Variants in ZNF37A observed in about 807,000 individuals in gnomAD.
ZNF37A encodes the protein zinc finger protein 37a (KOX 21).
ZNF37A carries 10 observed loss-of-function variants against 12.3 expected under a neutral mutation model. That is an observed-to-expected ratio of 0.82 (90% CI 0.50 to 1.38). The LOEUF is 1.38. ZNF37A is among the 40% of genes most tolerant of loss of function. The pLI, the probability that ZNF37A is intolerant of heterozygous loss-of-function variation, is 0.00. For missense variants in ZNF37A, 580 were observed against 651.2 expected, an observed-to-expected ratio of 0.89 and a Z score of 1.19; for synonymous variants, 207 against 223.0, an observed-to-expected ratio of 0.93 and a Z score of 0.64.
intron 5 of ZNF37A, among the ~76,000 whole-genome samples, chr10:38,105,847 T>C (rs1292888536): frequency 6.6e-6 from 1 of 152,242 alleles, no homozygotes; most frequent in East Asian, 1.9e-4. Flanking sequence ...TGTGTGTTGA[T>C]TTTGTACTCT....
chr10:38,129,194 T>C (rs1264285505), downstream of ZNF37A, among the ~76,000 whole-genome samples: 7 of 151,500 alleles, frequency 4.6e-5, no homozygotes, highest in Non-Finnish European at 8.8e-5. Flanking sequence ...GAGTTATAAT[T>C]AGGCATATTT....
intron 5 of ZNF37A, among the ~76,000 whole-genome samples, chr10:38,099,932 T>C (rs907944974): frequency 7.2e-5 from 11 of 152,190 alleles, no homozygotes; most frequent in African/African-American, 2.4e-5. Flanking sequence ...TATGGTGAAA[T>C]GTATTGGGGA....
chr10:38,110,924 C>T (rs1275305393), intron 5 of ZNF37A, among the ~76,000 whole-genome samples: 1 of 152,090 alleles, frequency 6.6e-6, no homozygotes, highest in African/African-American at 2.4e-5. Flanking sequence ...GACAGTGTGG[C>T]GATTCCTGAA....
downstream of ZNF37A, among the ~76,000 whole-genome samples, chr10:38,127,650 C>T (rs1256679786): frequency 6.6e-6 from 1 of 152,154 alleles, no homozygotes; most frequent in Non-Finnish European, 1.5e-5. Flanking sequence ...GTCTCTGGTT[C>T]TCCACTCATT....
intron 7 of ZNF37A, among the ~76,000 whole-genome samples, chr10:38,134,704 A>G (rs1002694176): frequency 1.3e-5 from 2 of 152,178 alleles, no homozygotes; most frequent in African/African-American, 4.8e-5. Context: ...GTCGGCCCCT[A>G]CTGGGAGGTG....
exon 8 of ZNF37A, chr10:38,149,545 A>G (rs1215316173): frequency 7.0e-6 from 1 of 141,860 alleles, no homozygotes; most frequent in Non-Finnish European, 1.5e-5. Context: ...ATAACTTTTG[A>G]CACCTTCCAA....
chr10:38,141,952 A>G (rs1258079821), intron 7 of ZNF37A: 2 of 152,212 alleles, frequency 1.3e-5, no homozygotes, highest in African/African-American at 4.8e-5. Flanking sequence ...TCTACTAAAA[A>G]TACAAAAAGT....
exon 8 of ZNF37A, chr10:38,150,155 A>G (rs1405163841): frequency 6.6e-6 from 1 of 152,238 alleles, no homozygotes; most frequent in Non-Finnish European, 1.5e-5. Flanking sequence ...TCCTGTCTGC[A>G]TGAGTGTAAT....
chr10:38,095,994 G>C (rs2067122474), intron 4 of ZNF37A, among the ~76,000 whole-genome samples, 190 bp downstream of exon 4: 1 of 152,074 alleles, frequency 6.6e-6, no homozygotes. Flanking sequence ...AGACCAGCCT[G>C]GCCAACATGG....
chr10:38,096,948 A>G, intron 5 of ZNF37A, among the ~76,000 whole-genome samples: 1 of 152,244 alleles, frequency 6.6e-6, no homozygotes, highest in East Asian at 1.9e-4. Flanking sequence ...CTTTCATACT[A>G]TGAGGGCAGA....
chr10:38,100,373 A>C (rs2067464762), intron 5 of ZNF37A, among the ~76,000 whole-genome samples: 1 of 152,124 alleles, frequency 6.6e-6, no homozygotes, highest in South Asian at 2.1e-4. Context: ...TCTTCCTAAT[A>C]AGCCTGGGAG....
chr10:38,127,568 T>G (rs1027279887), downstream of ZNF37A, among the ~76,000 whole-genome samples: 2 of 152,194 alleles, frequency 1.3e-5, no homozygotes, highest in African/African-American at 4.8e-5. Flanking sequence ...TGGTATATGA[T>G]GAGTAGTTGC....
chr10:38,103,356 T>C (rs867531444), intron 5 of ZNF37A, among the ~76,000 whole-genome samples: 2 of 152,228 alleles, frequency 1.3e-5, no homozygotes, highest in African/African-American at 4.8e-5. Flanking sequence ...GTTGTTGTAC[T>C]TGTCAGCTCC....
In ZNF37A at chr10:38,124,572, C is replaced by T. The variant is rs1462782634; in HGVS notation, c.*5735C>T. On this transcript the variant is annotated 3_prime_UTR_variant, in exon 8 of 8. Transcript: ENST00000685332. ...ATCATGTACCCCATAGATATATACA[C>T]CTAGTATGTACCCACAAAAATTAAA... is the stretch of plus-strand genomic sequence containing the variant. 2.6e-5 allele frequency: 4 copies of T among 152,036 alleles called. No homozygotes were observed. The highest frequency in any genetic ancestry group is 9.7e-5 in the African/African-American group (4 of 41,388). The allele number at this position is 152,036 out of a possible 1,614,324, so 9.4% of individuals were successfully genotyped here.
downstream of ZNF37A, among the ~76,000 whole-genome samples, chr10:38,127,788 T>C (rs1590938360): frequency 6.6e-6 from 1 of 152,196 alleles, no homozygotes; most frequent in Non-Finnish European, 1.5e-5. Context: ...GAAGTAAGTA[T>C]TTGCAGAAGT....
Position 38,117,566 on chromosome 10 carries a change from A to G in ZNF37A, c.415A>G (p.Ile139Val), listed in dbSNP as rs746345233. The part of the protein sequence containing the change: ...LNEDLIWHQK[I>V]KNWEQSFEYN... ...TGAAGACCTCATTTGGCATCAGAAA[A>G]TTAAAAATTGGGAACAATCTTTTGA... The change falls in exon 8 of 8, where the codon ATT becomes GTT. Residue 139 changes from isoleucine to valine, a missense_variant. By Grantham distance (29) the Ile-to-Val change is conservative. Transcript: ENST00000685332. 1 of 1,613,440 alleles carries G rather than the reference A, an allele frequency of 6.2e-7. No homozygotes were observed. The highest frequency in any genetic ancestry group is 8.5e-7 in the Non-Finnish European group (1 of 1,179,838).
chr10:38,125,051 A>G (rs1156815478), downstream of ZNF37A: 2 of 152,236 alleles, frequency 1.3e-5, no homozygotes, highest in Admixed American at 1.3e-4. Context: ...TAAGAGCTCA[A>G]ACTTAAAACT....
intron 5 of ZNF37A, among the ~76,000 whole-genome samples, chr10:38,112,696 T>C (rs1336666739): frequency 1.3e-5 from 2 of 149,808 alleles, no homozygotes; most frequent in African/African-American, 2.5e-5. Flanking sequence ...CAATTTTATA[T>C]ATTTAGATTT....
At chr10:38,114,452 C>T (rs897107788) in intron 5 of ZNF37A, among the ~76,000 whole-genome samples, 2 of 152,120 alleles carry the variant, frequency 1.3e-5, no homozygotes, top group East Asian at 1.9e-4. Flanking sequence ...AAGATATGTT[C>T]CTCTCTTGTA....
Sources: allele counts gnomAD v4.1 joint callset (sites outside exome capture counted in the v4.1 genomes callset), GRCh38; gene constraint gnomAD v4.1.1; transcripts MANE v1.5; gene names NCBI Gene and HGNC (gene_info 2026-07-23, HGNC 2026-07-21).